The following EPN3 variants were observed in gnomAD, a reference collection of about 807,000 sequenced individuals.
The protein encoded by EPN3 is epsin 3.
A neutral mutation model predicts 55.5 loss-of-function variants in EPN3; 56 were observed. That is an observed-to-expected ratio of 1.01 (90% CI 0.81 to 1.26). The LOEUF (loss-of-function observed/expected upper bound fraction) is 1.26. EPN3 is among the 50% of genes most tolerant of loss of function. The probability of loss-of-function intolerance (pLI) is 0.00; values close to 1 mark genes in which losing one functional copy is unlikely to be tolerated. For synonymous variants in EPN3, 449 were observed against 375.2 expected (o/e 1.20, Z -2.27); for missense variants, 927 against 853.4 (o/e 1.09, Z -1.07).
At chr17:50,534,912 TGGTG>T (rs150560338) in intron 1 of EPN3, among the ~76,000 whole-genome samples, 3,713 of 152,166 alleles carry the variant, frequency 0.024, 71 homozygotes, top group Non-Finnish European at 0.039. Flanking sequence ...GAAAGGTGTT[TGGTG>T]GGTGGGGGAC....
intron 6 of EPN3, 115 bp downstream of exon 6, chr17:50,540,449 C>A: frequency 1.0e-6 from 1 of 987,540 alleles, no homozygotes; most frequent in Non-Finnish European, 1.5e-6. Context: ...GGGCAAGTCA[C>A]TCACCACCTT....
chr17:50,537,370 C>G (rs562396599), intron 2 of EPN3: 22 of 548,392 alleles, frequency 4.0e-5, no homozygotes, highest in Middle Eastern at 4.8e-4. Context: ...ATAGTGGAAG[C>G]ATGGGTTTGG....
At chr17:50,533,774 G>C (rs890716934) in intron 1 of EPN3, among the ~76,000 whole-genome samples, 2 of 150,790 alleles carry the variant, frequency 1.3e-5, no homozygotes, top group African/African-American at 4.9e-5. Context: ...TGCTGGCCCT[G>C]CTCCCATCCC....
chr17:50,541,014 A>G lies in EPN3; in HGVS notation c.1201A>G (p.Thr401Ala). The G allele has an allele frequency of 1.9e-6, 3 of 1,602,808 alleles. No homozygotes were observed. Among genetic ancestry groups the G allele is most frequent in the Non-Finnish European group, 1.7e-6 (2 of 1,174,800 alleles). The change falls in exon 7 of 10, where the codon ACT becomes GCT. Residue 401 changes from threonine (T) to alanine (A), a missense_variant. By Grantham distance (58) the Thr-to-Ala change is moderately conservative (BLOSUM62 0). Coordinates refer to ENST00000268933, the MANE Select transcript of EPN3 (RefSeq NM_017957.3). ...LNSPHHKLPS[T>A]GADPWGASLE... is the part of the protein sequence containing the mutation. ...CTCTCCCCACCACAAACTCCCCAGC[A>G]CTGGGGCTGACCCTTGGGGAGCCTC...
In EPN3 at chr17:50,536,555, C is replaced by A. The variant is rs765696198; in HGVS notation, c.-2C>A. The A allele has an allele frequency of 1.2e-6, 2 of 1,613,732 alleles. No homozygotes were observed. The highest frequency in any genetic ancestry group is 1.7e-6 in the Non-Finnish European group (2 of 1,180,026). On this transcript the variant is annotated 5_prime_UTR_variant, in exon 2 of 10. Coordinates refer to ENST00000268933, the MANE Select transcript of EPN3 (RefSeq NM_017957.3). ...GGGCCACCCACCTCCAAGTCTCCAG[C>A]CATGACGACCTCCGCACTCCGGCGC...
At chr17:50,541,736 T>C in intron 9 of EPN3, 42 bp downstream of exon 9, 1 of 1,609,690 alleles carries the variant, frequency 6.2e-7, no homozygotes, top group Non-Finnish European at 8.5e-7. Context: ...GCTCCTGCTT[T>C]CAGAGCCTAG....
At position 50,536,899 on chromosome 17, in the gene EPN3, G is replaced by A. The variant is rs758226645; in HGVS notation, c.343G>A (p.Asp115Asn). 24 of 1,613,992 alleles carry A rather than the reference G, an allele frequency of 1.5e-5. No homozygotes were observed. The highest frequency in any genetic ancestry group is 1.2e-4 in the Admixed American group (7 of 60,006). The change falls in exon 2 of 10, where the codon GAC becomes AAC. Residue 115 changes from aspartate (D) to asparagine (N), a missense_variant. Coordinates refer to ENST00000268933, the MANE Select transcript of EPN3 (RefSeq NM_017957.3). The part of the protein sequence containing the change: ...TLKDFQYIDR[D>N]GKDQGVNVRE... Reference sequence around the variant, plus strand: ...CAAGGACTTCCAGTACATCGACCGCGACGGCAAGGACCAGGGCGTCAACGT... The same window carrying A: ...CAAGGACTTCCAGTACATCGACCGCAACGGCAAGGACCAGGGCGTCAACGT...
In EPN3 at chr17:50,542,247, A is replaced by G. The variant is rs2034861274; in HGVS notation, c.*90A>G. On this transcript the variant is annotated 3_prime_UTR_variant, in exon 10 of 10. Transcript: ENST00000268933. ...CGGGGCTGGGCGGGGCGCCGGTGCT[A>G]GTGGAACGCCGAGCCAGTGGCGGCT... The G allele has an allele frequency of 1.5e-6, 2 of 1,327,360 alleles. No individual in the cohort carries two copies. Among genetic ancestry groups the G allele is most frequent in the Admixed American group, 3.9e-5 (1 of 25,664 alleles). The allele number at this position is 1,327,360 out of a possible 1,614,324, so 82.2% of individuals were successfully genotyped here.
chr17:50,538,980 C>T lies in EPN3; in HGVS notation c.762+16C>T, dbSNP rs201925813. ...GCACGAGAAGGTAGTGGGCCGAGCC[C>T]GCTGGGCTGCCGGTGCTGCTGCTGC... is the stretch of plus-strand genomic sequence containing the variant. On this transcript the variant is annotated intron_variant, in intron 4 of 9. Transcript: ENST00000268933. The T allele has an allele frequency of 7.6e-5, 121 of 1,586,322 alleles. No individual in the cohort carries two copies. In the East Asian group the frequency reaches 1.8e-3, roughly 23 times the overall value.
intron 4 of EPN3, 40 bp from the exon 5 acceptor site, chr17:50,539,147 G>C (rs766178030): frequency 6.2e-7 from 1 of 1,611,526 alleles, no homozygotes. Flanking sequence ...ATTCCCGCCT[G>C]AGCTGCTCAT....
Position 50,539,170 on chromosome 17 carries a change from T to C in EPN3, c.763-17T>C. On this transcript the variant is annotated splice_polypyrimidine_tract_variant and intron_variant, in intron 4 of 9. Transcript: ENST00000268933. ...CTGAGCTGCTCATGCTCCTAACTCTTTCTGTGCCTTCTGCAGGAGGTGAGG... is the reference window on the plus strand; with the variant it reads ...CTGAGCTGCTCATGCTCCTAACTCTCTCTGTGCCTTCTGCAGGAGGTGAGG... 1 of 1,613,464 alleles carries C rather than the reference T, an allele frequency of 6.2e-7. No individual in the cohort carries two copies. The highest frequency in any genetic ancestry group is 8.5e-7 in the Non-Finnish European group (1 of 1,179,866).
In EPN3 at chr17:50,541,255, G is replaced by T; in HGVS notation, c.1276G>T (p.Ala426Ser). ...TGGTGCCTCGACCTTTGACCCATTT[G>T]CCAAACCTCCAGAATCCACAGAGAC... ...PGGASTFDPF[A>S]KPPESTETKE... is the part of the protein sequence containing the mutation. The change falls in exon 8 of 10, where the codon GCC (alanine) becomes TCC (serine). Residue 426 changes from alanine (A) to serine (S), a missense_variant. Transcript: ENST00000268933. 1 of 1,613,588 alleles carries T rather than the reference G, an allele frequency of 6.2e-7. No individual in the cohort carries two copies.
rs763970070 is a variant in EPN3 at position 50,540,982 on chromosome 17, C to A, written c.1169C>A (p.Ala390Asp). 1 of 1,611,100 alleles carries A rather than the reference C, an allele frequency of 6.2e-7. No individual in the cohort carries two copies. Among genetic ancestry groups the A allele is most frequent in the Admixed American group, 1.7e-5 (1 of 59,936 alleles). Residue 390 changes from alanine (A) to aspartate (D), a missense_variant, in exon 7 of 10, where the codon GCC becomes GAC. Transcript: ENST00000268933. ...GGGCCCCCCACCACAGACCCCTGGG[C>A]CCTGAACTCTCCCCACCACAAACTC... ...PAGPPTTDPW[A>D]LNSPHHKLPS...
intron 1 of EPN3, chr17:50,534,548 C>T: frequency 7.1e-6 from 7 of 985,494 alleles, no homozygotes; most frequent in Non-Finnish European, 8.4e-6. Context: ...GAAGGCAGGT[C>T]TGAGTCACTA....
chr17:50,535,691 C>T (rs2034749352), intron 1 of EPN3, among the ~76,000 whole-genome samples: 2 of 152,270 alleles, frequency 1.3e-5, no homozygotes, highest in South Asian at 4.1e-4. Context: ...TTTTCTGTAC[C>T]CTCTCAACTG....
Position 50,540,959 on chromosome 17 carries a change from G to GC in EPN3, c.1152dup (p.Thr385HisfsTer20), listed in dbSNP as rs760519306. The GC allele has an allele frequency of 1.2e-6, 2 of 1,613,066 alleles. No homozygotes were observed. Among genetic ancestry groups the GC allele is most frequent in the East Asian group, 2.2e-5 (1 of 44,864 alleles). On this transcript the variant is annotated frameshift_variant, in exon 7 of 10. Coordinates refer to ENST00000268933, the MANE Select transcript of EPN3 (RefSeq NM_017957.3). LOFTEE classifies it high-confidence loss of function. ...GCAGGACCCCAGTGCTGCCTGCTGG[G>GC]CCCCCCACCACAGACCCCTGGGCCC...
intron 1 of EPN3, among the ~76,000 whole-genome samples, chr17:50,533,495 G>C (rs976517948): frequency 6.6e-6 from 1 of 152,214 alleles, no homozygotes; most frequent in East Asian, 1.9e-4. Flanking sequence ...AGGACGGGAA[G>C]AGGGTGTGGG....
chr17:50,537,265 C>A, intron 2 of EPN3, 147 bp downstream of exon 2: 1 of 797,784 alleles, frequency 1.3e-6, no homozygotes, highest in East Asian at 2.7e-5. Flanking sequence ...CAAGGCGCAA[C>A]ACCCGGCACA....
chr17:50,540,753 G>A, intron 6 of EPN3, 40 bp from the exon 7 acceptor site: 1 of 1,552,454 alleles, frequency 6.4e-7, no homozygotes, highest in East Asian at 2.3e-5. Context: ...CGAGGGATAA[G>A]GGTGGGCCTG....
Sources: allele counts gnomAD v4.1 joint callset (sites outside exome capture counted in the v4.1 genomes callset), GRCh38; gene constraint gnomAD v4.1.1; transcripts MANE v1.5; gene names NCBI Gene and HGNC (gene_info 2026-07-23, HGNC 2026-07-21).